The following ZNF134 variants were observed in gnomAD, a reference collection of about 807,000 sequenced individuals.
The protein encoded by ZNF134 is zinc finger protein 134 (clone pHZ-15).
A neutral mutation model predicts 2.5 loss-of-function variants in ZNF134; 5 were observed. The observed-to-expected ratio is 2.03, with a 90% CI of 1.06 to 4.27. The LOEUF is 4.27. Ranked by LOEUF, ZNF134 falls within the 30% of genes most tolerant of loss-of-function variation. The pLI, the probability that ZNF134 is intolerant of heterozygous loss-of-function variation, is 0.00. For missense variants in ZNF134, 540 were observed against 517.5 expected, an observed-to-expected ratio of 1.04 and a Z score of -0.42; for synonymous variants, 176 against 176.2, an observed-to-expected ratio of 1.00 and a Z score of 0.01.
intron 2 of ZNF134, among the ~76,000 whole-genome samples, chr19:57,619,812 G>A (rs536321076): frequency 2.0e-5 from 3 of 152,276 alleles, no homozygotes; most frequent in East Asian, 1.9e-4. Context: ...CCCTGAACAC[G>A]TTACTTATTT....
rs1183918208 is a variant in ZNF134 at position 57,622,078 on chromosome 19, TC to T, written c.*677del. The T allele has an allele frequency of 1.9e-5, 3 of 159,098 alleles. No individual in the cohort carries two copies. The highest frequency in any genetic ancestry group is 5.8e-5 in the Admixed American group (1 of 17,110). 9.9% of individuals were successfully genotyped at this position (159,098 alleles called of 1,614,324 possible). ...TCTTAGTCCAGTTTTGATGTTAACT[TC>T]CATAGCTGACAAAGCTTGTTAAGTA... On this transcript the variant is annotated 3_prime_UTR_variant, in exon 3 of 3. Transcript: ENST00000396161.
At chr19:57,616,348 G>T (rs1981051129) in intron 1 of ZNF134, among the ~76,000 whole-genome samples, 1 of 152,236 alleles carries the variant, frequency 6.6e-6, no homozygotes, top group Non-Finnish European at 1.5e-5. Flanking sequence ...ATATTAAGTT[G>T]CCTTGAAGTA....
chr19:57,618,610 G>A (rs184783860), intron 1 of ZNF134, among the ~76,000 whole-genome samples: 46 of 152,264 alleles, frequency 3.0e-4, no homozygotes, highest in Admixed American at 5.2e-4. Context: ...CCTGTTCTGA[G>A]CTGGACAAAA....
At chr19:57,617,762 G>A (rs1427285465) in intron 1 of ZNF134, among the ~76,000 whole-genome samples, 1 of 152,188 alleles carries the variant, frequency 6.6e-6, no homozygotes, top group African/African-American at 2.4e-5. Context: ...CACTGTAAGG[G>A]CAGACACAGC....
In ZNF134 at chr19:57,621,335, G is replaced by C. The variant is rs752620866; in HGVS notation, c.1216G>C (p.Gly406Arg). The change falls in exon 3 of 3, where the codon GGG becomes CGG. Residue 406 changes from glycine (G) to arginine (R), a missense_variant. Transcript: ENST00000396161. The stretch of plus-strand genomic sequence containing the variant: ...AAGGCCATATGAGTGCAGTGAATGT[G>C]GGAAGGCCTACAGCTTAAGCTCCCA... Reference protein sequence around the residue: ...GERPYECSECGKAYSLSSHLN... With the variant: ...GERPYECSECRKAYSLSSHLN... 3 of 1,614,024 alleles carry C rather than the reference G, an allele frequency of 1.9e-6. No individual in the cohort carries two copies. The African/African-American group carries it at 4.0e-5, about 22-fold the overall frequency.
In ZNF134 at chr19:57,614,286, A is replaced by G. The variant is rs1980986336; in HGVS notation, c.-275A>G. The G allele has an allele frequency of 2.2e-6, 1 of 450,504 alleles. No individual in the cohort carries two copies. Among genetic ancestry groups the G allele is most frequent in the African/African-American group, 2.0e-5 (1 of 49,424 alleles). 27.9% of individuals were successfully genotyped at this position (450,504 alleles called of 1,614,324 possible). A position where few individuals can be genotyped will look rare whatever the true frequency, so the allele number is the denominator to read the frequency against. On this transcript the variant is annotated 5_prime_UTR_variant, in exon 1 of 3. Coordinates refer to ENST00000396161, the MANE Select transcript of ZNF134 (RefSeq NM_003435.5). ...CTCTTAGGTGGAACCATCGGAGCAG[A>G]AGCTCGGGGTTGCTGGGCGGTTCCG...
At position 57,620,517 on chromosome 19, in the gene ZNF134, C is replaced by G. The variant is rs201959999; in HGVS notation, c.398C>G (p.Thr133Arg). Residue 133 changes from threonine to arginine, a missense_variant, in exon 3 of 3, where the codon ACG becomes AGG. Transcript: ENST00000396161. ...CCTCATCCGTCAGAGAAGCCCTTTA[C>G]GTGTAAGGAGGAGCAGAAAAACTTC... is the stretch of plus-strand genomic sequence containing the variant. Reference protein sequence around the residue: ...KEPHPSEKPFTCKEEQKNFQA... With the variant: ...KEPHPSEKPFRCKEEQKNFQA... 1.2e-6 allele frequency: 2 copies of G among 1,614,034 alleles called. No homozygotes were observed. The highest frequency in any genetic ancestry group is 1.7e-5 in the Admixed American group (1 of 60,000).
At chr19:57,615,564 G>T (rs527607329) in intron 1 of ZNF134, among the ~76,000 whole-genome samples, 1 of 152,124 alleles carries the variant, frequency 6.6e-6, no homozygotes, top group African/African-American at 2.4e-5. Context: ...CAAGTGTGCT[G>T]CCTGTGTTAA....
At chr19:57,619,901 A>G (rs975381147) in intron 2 of ZNF134, among the ~76,000 whole-genome samples, 1 of 152,242 alleles carries the variant, frequency 6.6e-6, no homozygotes, top group African/African-American at 2.4e-5. Context: ...AGGTCCTGCT[A>G]AAAGTCATTG....
At chr19:57,615,331 G>A (rs963556317) in intron 1 of ZNF134, among the ~76,000 whole-genome samples, 1 of 151,836 alleles carries the variant, frequency 6.6e-6, no homozygotes, top group Non-Finnish European at 1.5e-5. Context: ...TTTAGAGGGT[G>A]GAATTTCAAG....
Position 57,621,481 on chromosome 19 carries a change from C to T in ZNF134, c.*78C>T, listed in dbSNP as rs1981219610. The T allele has an allele frequency of 4.4e-6, 7 of 1,592,842 alleles. No homozygotes were observed. Among genetic ancestry groups the T allele is most frequent in the Non-Finnish European group, 6.0e-6 (7 of 1,171,900 alleles). On this transcript the variant is annotated 3_prime_UTR_variant, in exon 3 of 3. Transcript: ENST00000396161. ...CTGAACATTGACACAAAGGAGATAC[C>T]TTATGGTGCCAGGTACGTGGGAACC...
At position 57,621,133 on chromosome 19, in the gene ZNF134, C is replaced by G. The variant is rs778535679; in HGVS notation, c.1014C>G (p.His338Gln). ...CCCTCATTAAACATCAGCGAATTCA[C>G]ACTGAGTCAAAGCCGTTTGAGTGCA... ...KYTLIKHQRI[H>Q]TESKPFECIE... The change falls in exon 3 of 3, where the codon CAC becomes CAG. Residue 338 changes from histidine to glutamine, a missense_variant. Coordinates refer to ENST00000396161, the MANE Select transcript of ZNF134 (RefSeq NM_003435.5). 9.3e-6 allele frequency: 15 copies of G among 1,614,124 alleles called. No homozygotes were observed. Among genetic ancestry groups the G allele is most frequent in the Admixed American group, 1.7e-5 (1 of 60,008 alleles).
intron 2 of ZNF134, 102 bp from the exon 3 acceptor site, chr19:57,620,058 A>G (rs2077336031): frequency 7.4e-7 from 1 of 1,350,914 alleles, no homozygotes; most frequent in Admixed American, 2.1e-5. Flanking sequence ...CCACCAGGAA[A>G]CTTAGGTACT....
At chr19:57,617,406 C>T (rs983748038) in intron 1 of ZNF134, among the ~76,000 whole-genome samples, 1 of 152,124 alleles carries the variant, frequency 6.6e-6, no homozygotes, top group African/African-American at 2.4e-5. Flanking sequence ...ACCAGATTTT[C>T]TGATGTGGAA....
intron 1 of ZNF134, among the ~76,000 whole-genome samples, chr19:57,619,181 T>C (rs1981128763): frequency 6.6e-6 from 1 of 152,164 alleles, no homozygotes; most frequent in African/African-American, 2.4e-5. Flanking sequence ...ATGACACCTC[T>C]GGACTCCAGG....
At chr19:57,619,686 T>C in intron 2 of ZNF134, 178 bp downstream of exon 2, 1 of 693,848 alleles carries the variant, frequency 1.4e-6, no homozygotes, top group Non-Finnish European at 2.4e-6. Context: ...GGCTGTCTTC[T>C]CCCATTCTCT....
chr19:57,614,525 C>T (rs1180630377), intron 1 of ZNF134, 22 bp downstream of exon 1: 2 of 346,444 alleles, frequency 5.8e-6, no homozygotes, highest in East Asian at 9.6e-5. Context: ...CTTTCCCAGA[C>T]TTTCGCCCGC....
At position 57,624,544 on chromosome 19, in the gene ZNF134, A is replaced by T. The variant is rs1163192714; in HGVS notation, c.*3141A>T. 6.6e-6 allele frequency: 1 copy of T among 152,208 alleles called. No individual in the cohort carries two copies. The highest frequency in any genetic ancestry group is 1.9e-4 in the East Asian group (1 of 5,196). 9.4% of individuals were successfully genotyped at this position (152,208 alleles called of 1,614,324 possible). ...CCCAAATAAGGGAGGAGGGGTGGTAATCAGGGGTCCCTGAAATCCCCTCTT... is the reference window on the plus strand; with the variant it reads ...CCCAAATAAGGGAGGAGGGGTGGTATTCAGGGGTCCCTGAAATCCCCTCTT... On this transcript the variant is annotated 3_prime_UTR_variant, in exon 3 of 3. Coordinates refer to ENST00000396161, the MANE Select transcript of ZNF134 (RefSeq NM_003435.5).
chr19:57,621,364 C>A lies in ZNF134; in HGVS notation c.1245C>A (p.Leu415=), dbSNP rs904863603. The A allele has an allele frequency of 1.9e-6, 3 of 1,613,796 alleles. No homozygotes were observed. Among genetic ancestry groups the A allele is most frequent in the Non-Finnish European group, 2.5e-6 (3 of 1,179,986 alleles). The change falls in exon 3 of 3, where the codon CTC becomes CTA. Residue 415 remains leucine, a synonymous_variant. Coordinates refer to ENST00000396161, the MANE Select transcript of ZNF134 (RefSeq NM_003435.5). ...AGGCCTACAGCTTAAGCTCCCACCT[C>A]AATCGGCACCAGAAAGTTCACACTG... is the stretch of plus-strand genomic sequence containing the variant. ...CGKAYSLSSH[L]NRHQKVHTAG... is the part of the protein sequence containing the mutation.
Sources: gnomAD v4.1 joint callset for allele counts (sites outside exome capture counted in the v4.1 genomes callset) on GRCh38, gnomAD v4.1.1 for gene constraint, MANE v1.5 for transcripts, NCBI Gene and HGNC (gene_info 2026-07-23, HGNC 2026-07-21) for gene names.